Variants in CCSER1 observed in about 807,000 individuals in gnomAD.
CCSER1 encodes serine-rich coiled-coil domain-containing protein 1.
Under a neutral mutation model 82.0 loss-of-function variants are expected in CCSER1, and 41 were observed. That is an observed-to-expected ratio of 0.50 (90% CI 0.39 to 0.65). CCSER1 has a LOEUF of 0.65. Ranked by LOEUF, CCSER1 falls within the 30% of genes least tolerant of loss-of-function variation. The pLI, the probability that CCSER1 is intolerant of heterozygous loss-of-function variation, is 0.00. For synonymous variants in CCSER1, 414 were observed against 383.9 expected, an observed-to-expected ratio of 1.08 and a Z score of -0.92; for missense variants, 1,119 against 1,064.2, an observed-to-expected ratio of 1.05 and a Z score of -0.72.
In CCSER1 at chr4:90,730,153, A is replaced by G. The variant is rs1355905693; in HGVS notation, c.2010+6162A>G. On this transcript the variant is annotated intron_variant, in intron 7 of 10. Coordinates refer to ENST00000509176, the MANE Select transcript of CCSER1 (RefSeq NM_001145065.2). Reference sequence around the variant, plus strand: ...GAGTAGTTTCGATTTATTTCATCTAAATATATCATTATGTAAAAGAATACA... The same window carrying G: ...GAGTAGTTTCGATTTATTTCATCTAGATATATCATTATGTAAAAGAATACA... 4.6e-5 allele frequency among the ~76,000 whole-genome samples: 7 copies of G among 152,302 alleles called. No homozygotes were observed. In the South Asian group the frequency reaches 1.2e-3, roughly 27 times the overall value.
At chr4:90,879,211 A>C (rs1175334068) in intron 8 of CCSER1, among the ~76,000 whole-genome samples, 1 of 152,106 alleles carries the variant, frequency 6.6e-6, no homozygotes, top group African/African-American at 2.4e-5. Context: ...TGCTGTTAAT[A>C]CTTGTGATTG....
chr4:90,168,125 T>C (rs1250553745), intron 1 of CCSER1, among the ~76,000 whole-genome samples: 5 of 152,270 alleles, frequency 3.3e-5, no homozygotes, highest in Admixed American at 6.5e-5. Flanking sequence ...TCCATATCCT[T>C]TCCAGCACCT....
chr4:90,566,882 A>G (rs764723975), intron 5 of CCSER1, among the ~76,000 whole-genome samples: 7 of 152,012 alleles, frequency 4.6e-5, no homozygotes, highest in African/African-American at 1.2e-4. Context: ...GATTACAGGC[A>G]TGAGCCACAG....
intron 10 of CCSER1, among the ~76,000 whole-genome samples, chr4:91,378,220 C>A (rs2149333102): frequency 6.6e-6 from 1 of 152,270 alleles, no homozygotes; most frequent in African/African-American, 2.4e-5. Flanking sequence ...TTAGGATTGT[C>A]TTGGCCATGC....
At chr4:90,856,638 A>G (rs1389077917) in intron 8 of CCSER1, among the ~76,000 whole-genome samples, 2 of 152,178 alleles carry the variant, frequency 1.3e-5, no homozygotes, top group African/African-American at 4.8e-5. Context: ...GACTAAAAAC[A>G]GAGTATTAAG....
intron 1 of CCSER1, among the ~76,000 whole-genome samples, chr4:90,289,210 T>C (rs187011601): frequency 2.0e-5 from 3 of 148,774 alleles, no homozygotes; most frequent in East Asian, 3.9e-4. Flanking sequence ...TTTTCTTAAA[T>C]CAAATAAGCT....
At chr4:91,098,319 A>G (rs1210959599) in intron 10 of CCSER1, among the ~76,000 whole-genome samples, 1 of 152,218 alleles carries the variant, frequency 6.6e-6, no homozygotes, top group Non-Finnish European at 1.5e-5. Context: ...CAAAAGAGAA[A>G]ATTCTGAGAA....
intron 10 of CCSER1, among the ~76,000 whole-genome samples, chr4:91,263,807 A>G (rs1231500899): frequency 6.6e-6 from 1 of 151,978 alleles, no homozygotes; most frequent in African/African-American, 2.4e-5. Context: ...TGGATGCTGG[A>G]AAAATTCTCC....
At position 90,416,019 on chromosome 4, in the gene CCSER1, T is replaced by C. The variant is rs143167708; in HGVS notation, c.1603+15890T>C. Among the ~76,000 whole-genome samples, 27 of 152,230 alleles carry C rather than the reference T, an allele frequency of 1.8e-4. No homozygotes were observed. The East Asian group carries it at 2.9e-3, about 16-fold the overall frequency. ...AGTAGAACTAGCAGTGGCTTCAGGGTAGGGAAATGGAGAGATGATCAAAAG... is the reference window on the plus strand; with the variant it reads ...AGTAGAACTAGCAGTGGCTTCAGGGCAGGGAAATGGAGAGATGATCAAAAG... On this transcript the variant is annotated intron_variant, in intron 4 of 10. Transcript: ENST00000509176.
At chr4:91,539,820 T>G (rs1224955707) in intron 10 of CCSER1, among the ~76,000 whole-genome samples, 1 of 152,080 alleles carries the variant, frequency 6.6e-6, no homozygotes, top group Non-Finnish European at 1.5e-5. Context: ...TTATTCATTC[T>G]ATCATTAGAG....
At chr4:91,468,433 C>G (rs1484171877) in intron 10 of CCSER1, among the ~76,000 whole-genome samples, 1 of 151,666 alleles carries the variant, frequency 6.6e-6, no homozygotes, top group Admixed American at 6.6e-5. Flanking sequence ...AGCACACCAA[C>G]ATGGCACATG....
At chr4:90,737,048 A>G (rs1389648530) in intron 7 of CCSER1, among the ~76,000 whole-genome samples, 1 of 152,066 alleles carries the variant, frequency 6.6e-6, no homozygotes, top group Non-Finnish European at 1.5e-5. Context: ...TACTGTTTGC[A>G]TTTATATCTT....
At chr4:90,736,774 C>A (rs982186550) in intron 7 of CCSER1, among the ~76,000 whole-genome samples, 2 of 151,756 alleles carry the variant, frequency 1.3e-5, no homozygotes, top group African/African-American at 4.8e-5. Context: ...TTCCTTCTTT[C>A]CTCCCTTGCT....
intron 6 of CCSER1, among the ~76,000 whole-genome samples, chr4:90,700,531 G>A (rs1294338358): frequency 6.6e-6 from 1 of 152,108 alleles, no homozygotes; most frequent in Non-Finnish European, 1.5e-5. Context: ...GTCAAATGGT[G>A]TTTCTAGTTC....
chr4:90,738,740 G>A (rs1456044694), intron 7 of CCSER1, among the ~76,000 whole-genome samples: 1 of 152,120 alleles, frequency 6.6e-6, no homozygotes, highest in Non-Finnish European at 1.5e-5. Flanking sequence ...CTCTCTCCCT[G>A]TAGCCAACAC....
chr4:91,032,168 C>G lies in CCSER1; in HGVS notation c.2173-53782C>G, dbSNP rs896056359. ...TTAATAATATACTTCCATTAGTTCTCTTGCCTTTATATTACTTACATGTTA... is the reference window on the plus strand; with the variant it reads ...TTAATAATATACTTCCATTAGTTCTGTTGCCTTTATATTACTTACATGTTA... On this transcript the variant is annotated intron_variant, in intron 9 of 10. Transcript: ENST00000509176. 4.4e-4 allele frequency among the ~76,000 whole-genome samples: 67 copies of G among 152,122 alleles called. 1 individual carries two copies. Among genetic ancestry groups the G allele is most frequent in the Non-Finnish European group, 5.9e-5 (4 of 68,016 alleles).
intron 7 of CCSER1, among the ~76,000 whole-genome samples, chr4:90,754,681 C>G (rs1343602148): frequency 6.6e-6 from 1 of 152,196 alleles, no homozygotes; most frequent in Non-Finnish European, 1.5e-5. Context: ...CCCATTTCTT[C>G]CCTTAACTAC....
chr4:90,132,600 A>AT (rs1022703532), intron 1 of CCSER1, among the ~76,000 whole-genome samples: 5 of 152,224 alleles, frequency 3.3e-5, no homozygotes, highest in Non-Finnish European at 7.4e-5. Flanking sequence ...ACCATATTGT[A>AT]TTTTAAGTTG....
chr4:91,055,183 C>G (rs974289923), intron 9 of CCSER1, among the ~76,000 whole-genome samples: 12 of 151,932 alleles, frequency 7.9e-5, no homozygotes, highest in Non-Finnish European at 1.8e-4. Context: ...TTATGGGTAC[C>G]ATGGGGATTA....
Sources: gnomAD v4.1 joint callset for allele counts (sites outside exome capture counted in the v4.1 genomes callset) on GRCh38, gnomAD v4.1.1 for gene constraint, MANE v1.5 for transcripts, NCBI Gene and HGNC (gene_info 2026-07-23, HGNC 2026-07-21) for gene names.